Variants in LSAMP observed in about 807,000 individuals in gnomAD.
LSAMP encodes the protein limbic system-associated membrane protein.
LSAMP carries 7 observed loss-of-function variants against 38.6 expected under a neutral mutation model. The observed-to-expected ratio is 0.18, with a 90% CI of 0.10 to 0.34. LSAMP has a LOEUF of 0.34. Ranked by LOEUF, LSAMP falls within the 10% of genes least tolerant of loss-of-function variation. LSAMP has a pLI of 1.00. For synonymous variants in LSAMP, 154 were observed against 166.8 expected, an observed-to-expected ratio of 0.92 and a Z score of 0.59; for missense variants, 313 against 420.0, an observed-to-expected ratio of 0.75 and a Z score of 2.23.
At chr3:116,192,172 A>C (rs999149353) in intron 1 of LSAMP, among the ~76,000 whole-genome samples, 2 of 152,212 alleles carry the variant, frequency 1.3e-5, no homozygotes, top group Non-Finnish European at 2.9e-5. Flanking sequence ...ATTGTATTGG[A>C]TATTAATACA....
intron 3 of LSAMP, among the ~76,000 whole-genome samples, chr3:115,873,952 G>A (rs1936114953): frequency 6.6e-6 from 1 of 152,124 alleles, no homozygotes; most frequent in Non-Finnish European, 1.5e-5. Flanking sequence ...CATTTCTGAA[G>A]GCACTGACTA....
At chr3:116,193,130 C>T (rs1710792934) in intron 1 of LSAMP, among the ~76,000 whole-genome samples, 1 of 152,152 alleles carries the variant, frequency 6.6e-6, no homozygotes, top group African/African-American at 2.4e-5. Context: ...ACTATGTCCT[C>T]CCTAAAATCA....
In LSAMP at chr3:116,158,075, C is replaced by T. The variant is rs775966372; in HGVS notation, c.156-71519G>A. On this transcript the variant is annotated intron_variant, in intron 1 of 6. Coordinates refer to ENST00000490035, the MANE Select transcript of LSAMP (RefSeq NM_002338.5). ...CATACACAAATCAATAAATGTTATT[C>T]GTCATAAAAACAGAACGAAAACAAC... 4.6e-5 allele frequency among the ~76,000 whole-genome samples: 7 copies of T among 151,964 alleles called. No homozygotes were observed. The East Asian group carries it at 5.8e-4, about 13-fold the overall frequency.
At chr3:115,867,695 TAA>T (rs1233810870) in intron 3 of LSAMP, among the ~76,000 whole-genome samples, 1 of 152,090 alleles carries the variant, frequency 6.6e-6, no homozygotes, top group Non-Finnish European at 1.5e-5. Flanking sequence ...TGCAAGAGCC[TAA>T]AGTAATCTCA....
At chr3:116,298,658 A>ATATG (rs1305392527) in intron 1 of LSAMP, among the ~76,000 whole-genome samples, 1 of 152,208 alleles carries the variant, frequency 6.6e-6, no homozygotes, top group Non-Finnish European at 1.5e-5. Context: ...AGTATGTTAT[A>ATATG]TATGTTTTGA....
intron 6 of LSAMP, among the ~76,000 whole-genome samples, chr3:115,826,223 T>C (rs1934404095): frequency 6.6e-6 from 1 of 152,166 alleles, no homozygotes; most frequent in African/African-American, 2.4e-5. Flanking sequence ...CACATCATTC[T>C]CTTGCCTCAG....
At chr3:116,162,372 C>T (rs1576402277) in intron 1 of LSAMP, among the ~76,000 whole-genome samples, 1 of 152,120 alleles carries the variant, frequency 6.6e-6, no homozygotes, top group African/African-American at 2.4e-5. Flanking sequence ...GGCCAGAAAA[C>T]AGGAAGAGGG....
chr3:116,420,043 G>A (rs1032867724), intron 1 of LSAMP, among the ~76,000 whole-genome samples: 1 of 151,630 alleles, frequency 6.6e-6, no homozygotes, highest in African/African-American at 2.4e-5. Flanking sequence ...GCAGAAAAAG[G>A]GTTTATAGCT....
intron 1 of LSAMP, among the ~76,000 whole-genome samples, chr3:116,399,408 A>C (rs2048810488): frequency 6.6e-6 from 1 of 152,190 alleles, no homozygotes; most frequent in Non-Finnish European, 1.5e-5. Context: ...TAATAATGGG[A>C]GAGAAAATAA....
intron 1 of LSAMP, among the ~76,000 whole-genome samples, chr3:116,212,319 G>T (rs1313902531): frequency 2.0e-5 from 3 of 152,146 alleles, no homozygotes; most frequent in African/African-American, 7.2e-5. Context: ...TAAAGGTGAA[G>T]GTTTCTTTTT....
intron 1 of LSAMP, among the ~76,000 whole-genome samples, chr3:116,163,384 G>A (rs1344671130): frequency 1.3e-5 from 2 of 151,572 alleles, no homozygotes; most frequent in Non-Finnish European, 2.9e-5. Flanking sequence ...CTTCATCCAA[G>A]TCCCTACAAA....
intron 1 of LSAMP, among the ~76,000 whole-genome samples, chr3:116,250,698 C>CAA (rs3974284): frequency 0.29 from 41,578 of 141,710 alleles, 8,046 homozygotes; most frequent in African/African-American, 0.56. Flanking sequence ...CTTGTATCTA[C>CAA]AAAAAAAAAA....
chr3:116,050,293 C>T (rs1259753301), intron 2 of LSAMP, among the ~76,000 whole-genome samples: 1 of 152,074 alleles, frequency 6.6e-6, no homozygotes, highest in Non-Finnish European at 1.5e-5. Flanking sequence ...CCTCTTCAGA[C>T]CTAAAGGTGT....
Position 116,041,214 on chromosome 3 carries a change from A to T in LSAMP, c.389-21574T>A, listed in dbSNP as rs144234340. 4.7e-3 allele frequency among the ~76,000 whole-genome samples: 716 copies of T among 152,306 alleles called. 6 individuals carry two copies. The highest frequency in any genetic ancestry group is 0.017 in the African/African-American group (698 of 41,574). On this transcript the variant is annotated intron_variant, in intron 2 of 6. Transcript: ENST00000490035. ...GCTGGGATTATAGGCATGAGCCACC[A>T]TGCCTGATCCTACATATTTTTAAGG...
chr3:115,867,673 T>C (rs1438733162), intron 3 of LSAMP, among the ~76,000 whole-genome samples: 2 of 151,916 alleles, frequency 1.3e-5, no homozygotes, highest in Non-Finnish European at 2.9e-5. Flanking sequence ...AGGAAGAAAA[T>C]GCCACCAGAA....
At chr3:116,291,115 C>G (rs542594060) in intron 1 of LSAMP, among the ~76,000 whole-genome samples, 1 of 152,180 alleles carries the variant, frequency 6.6e-6, no homozygotes, top group Non-Finnish European at 1.5e-5. Flanking sequence ...GGGCTTGTTC[C>G]TCTTTGTCTC....
intron 1 of LSAMP, among the ~76,000 whole-genome samples, chr3:116,432,964 A>G (rs2049300562): frequency 6.6e-6 from 1 of 152,208 alleles, no homozygotes; most frequent in Non-Finnish European, 1.5e-5. Context: ...GCTGATCTTT[A>G]GATATGCTTA....
intron 2 of LSAMP, among the ~76,000 whole-genome samples, chr3:116,062,574 GTC>G (rs72101045): frequency 3.3e-5 from 5 of 151,362 alleles, no homozygotes; most frequent in East Asian, 1.9e-4. Context: ...GTGCAGGAGG[GTC>G]TCTCTCTCTC....
intron 1 of LSAMP, among the ~76,000 whole-genome samples, chr3:116,121,345 GA>G (rs1435108579): frequency 6.6e-6 from 1 of 152,184 alleles, no homozygotes; most frequent in East Asian, 1.9e-4. Context: ...CACAGGGCCT[GA>G]AAATGTGTTT....
Sources: allele counts gnomAD v4.1 joint callset (sites outside exome capture counted in the v4.1 genomes callset), GRCh38; gene constraint gnomAD v4.1.1; transcripts MANE v1.5; gene names NCBI Gene and HGNC (gene_info 2026-07-23, HGNC 2026-07-21).